The following MMEL1 variants were observed in gnomAD, a reference collection of about 807,000 sequenced individuals.
MMEL1 encodes the protein membrane metalloendopeptidase like 1.
MMEL1 carries 98 observed loss-of-function variants against 117.1 expected under a neutral mutation model. The observed-to-expected ratio is 0.84, with a 90% confidence interval of 0.71 to 0.99. MMEL1 has a LOEUF of 0.99. Among genes scored for constraint, MMEL1 ranks in the 50% least tolerant of loss-of-function variants. The pLI is 0.00. For synonymous variants in MMEL1, 390 were observed against 415.1 expected, an observed-to-expected ratio of 0.94 and a Z score of 0.74; for missense variants, 1,014 against 1,049.1, an observed-to-expected ratio of 0.97 and a Z score of 0.46.
At chr1:2,603,017 G>A (rs1054099681) in intron 11 of MMEL1, among the ~76,000 whole-genome samples, 6 of 152,236 alleles carry the variant, frequency 3.9e-5, no homozygotes, top group Admixed American at 6.5e-5. Flanking sequence ...GCCCCACTGC[G>A]TGTGTTCTGG....
intron 10 of MMEL1, 46 bp from the exon 11 acceptor site, chr1:2,604,019 C>T (rs1486612115): frequency 1.3e-6 from 2 of 1,597,692 alleles, no homozygotes; most frequent in South Asian, 2.2e-5. Flanking sequence ...CAGGATGCCC[C>T]CTGGGGCTCC....
rs371074815 is a variant in MMEL1, at chr1:2,594,370, G to C, written c.1747+15C>G. The C allele has an allele frequency of 1.3e-5, 20 of 1,551,608 alleles. No individual in the cohort carries two copies. Among genetic ancestry groups the C allele is most frequent in the African/African-American group, 2.7e-5 (2 of 73,080 alleles). Reference sequence around the variant, plus strand: ...ACCAAAGGGCCTGGGCAGGCAGGGAGGGGGAGGAACTTACCAATCTGGTTT... The same window carrying C: ...ACCAAAGGGCCTGGGCAGGCAGGGACGGGGAGGAACTTACCAATCTGGTTT... On this transcript the variant is annotated intron_variant, in intron 18 of 23. Coordinates refer to ENST00000378412, the MANE Select transcript of MMEL1 (RefSeq NM_033467.4).
In MMEL1 at chr1:2,592,722, T is replaced by G. The variant is rs1199194135; in HGVS notation, c.2002-2A>C. On this transcript the variant is annotated splice_acceptor_variant, in intron 20 of 23. Transcript: ENST00000378412. LOFTEE classifies it high-confidence loss of function. ...CCCAAGGGTGTTGAATCCGTTCACC[T>G]GCGCACAGGAGACAGGATTGGGGCA... The G allele has an allele frequency of 1.2e-6, 2 of 1,611,146 alleles. No individual in the cohort carries two copies. Among genetic ancestry groups the G allele is most frequent in the African/African-American group, 2.7e-5 (2 of 74,588 alleles).
chr1:2,599,020 A>G (rs1221462609), intron 11 of MMEL1, among the ~76,000 whole-genome samples: 1 of 152,272 alleles, frequency 6.6e-6, no homozygotes, highest in Non-Finnish European at 1.5e-5. Context: ...GCAAGTTCCT[A>G]GAAAAACACA....
intron 6 of MMEL1, among the ~76,000 whole-genome samples, chr1:2,608,532 TAC>T (rs1354239222): frequency 8.0e-6 from 1 of 124,526 alleles, no homozygotes; most frequent in Non-Finnish European, 1.6e-5. Context: ...CACATACACA[TAC>T]ACACATACAC....
intron 6 of MMEL1, among the ~76,000 whole-genome samples, chr1:2,607,871 G>A (rs1645055041): frequency 1.3e-5 from 2 of 152,088 alleles, no homozygotes. Context: ...GGCTGCCTGT[G>A]ATGAGGCAGG....
intron 21 of MMEL1, among the ~76,000 whole-genome samples, chr1:2,592,411 CT>C (rs1164550433): frequency 7.6e-5 from 4 of 52,452 alleles, no homozygotes; most frequent in African/African-American, 1.3e-4. Flanking sequence ...GCCCCCTCCC[CT>C]GATGCACTGG....
At chr1:2,608,780 T>C (rs1312085684) in intron 6 of MMEL1, among the ~76,000 whole-genome samples, 2 of 152,006 alleles carry the variant, frequency 1.3e-5, no homozygotes, top group African/African-American at 4.8e-5. Context: ...CACACACATA[T>C]GTACACACCG....
At chr1:2,605,759 T>G in intron 8 of MMEL1, 136 bp from the exon 9 acceptor site, 1 of 475,052 alleles carries the variant, frequency 2.1e-6, no homozygotes, top group Non-Finnish European at 3.8e-6. Context: ...TGGTGGAGCT[T>G]GTGCCGGACC....
chr1:2,617,282 C>T (rs2100956576), intron 2 of MMEL1, among the ~76,000 whole-genome samples: 1 of 152,150 alleles, frequency 6.6e-6, no homozygotes, highest in Non-Finnish European at 1.5e-5. Context: ...AAAAAATTAG[C>T]CGGGCGTGGT....
At position 2,592,662 on chromosome 1, in the gene MMEL1, G is replaced by C. The variant is rs1270698630; in HGVS notation, c.2060C>G (p.Ala687Gly). The change falls in exon 21 of 24, where the codon GCC becomes GGC. Residue 687 changes from alanine (A) to glycine (G), a missense_variant. Transcript: ENST00000378412. ...TCCCCTGCCAGGCCCCACCTTATAGGCTTGCCGCACCCCTCCGTTGTCAGC... is the reference window on the plus strand; with the variant it reads ...TCCCCTGCCAGGCCCCACCTTATAGCCTTGCCGCACCCCTCCGTTGTCAGC... ...NIADNGGVRQ[A>G]YKAYLKWMAE... The C allele has an allele frequency of 6.3e-7, 1 of 1,590,886 alleles. No individual in the cohort carries two copies. The highest frequency in any genetic ancestry group is 8.5e-7 in the Non-Finnish European group (1 of 1,170,544).
intron 11 of MMEL1, among the ~76,000 whole-genome samples, chr1:2,602,465 C>T (rs1465209562): frequency 2.0e-5 from 3 of 152,204 alleles, no homozygotes; most frequent in Non-Finnish European, 4.4e-5. Context: ...TTTGCAAACC[C>T]TGTTGGCTCC....
chr1:2,606,207 T>C (rs538946729), intron 8 of MMEL1, 41 bp downstream of exon 8: 9 of 1,524,806 alleles, frequency 5.9e-6, no homozygotes, highest in Admixed American at 1.7e-5. Context: ...CAGCCAGGCT[T>C]GGGGACCCTG....
chr1:2,605,425 C>T lies in MMEL1; in HGVS notation c.816+133G>A, dbSNP rs1034171814. 1.1e-4 allele frequency: 86 copies of T among 773,058 alleles called. 1 individual carries two copies. Among genetic ancestry groups the T allele is most frequent in the South Asian group, 1.9e-4 (12 of 62,646 alleles). 47.9% of individuals were successfully genotyped at this position (773,058 alleles called of 1,614,324 possible). A position where few individuals can be genotyped will look rare whatever the true frequency, so the allele number is the denominator to read the frequency against. On this transcript the variant is annotated intron_variant, in intron 9 of 23. Transcript: ENST00000378412. ...CGTCTGCACCCGCCACCCTCAGTGC[C>T]GGGCTCAACCTCCACAGGTGCTCAC...
intron 9 of MMEL1, 95 bp downstream of exon 9, chr1:2,605,463 C>T (rs539576740): frequency 1.3e-4 from 146 of 1,088,226 alleles, no homozygotes; most frequent in Middle Eastern, 4.5e-4. Flanking sequence ...ACACCAGCTT[C>T]GGGGAGGGAA....
intron 2 of MMEL1, among the ~76,000 whole-genome samples, chr1:2,627,473 CA>C (rs1391317151): frequency 6.6e-6 from 1 of 152,186 alleles, no homozygotes; most frequent in Admixed American, 6.5e-5. Flanking sequence ...CACCATCACT[CA>C]GCATTTGGTG....
Position 2,604,072 on chromosome 1 carries a change from C to T in MMEL1, c.951+75G>A, listed in dbSNP as rs890647103. The T allele has an allele frequency of 1.1e-5, 17 of 1,572,892 alleles. No individual in the cohort carries two copies. The African/African-American group carries it at 2.3e-4, about 21-fold the overall frequency. On this transcript the variant is annotated intron_variant, in intron 10 of 23. Transcript: ENST00000378412. ...GCTACCGGCCCACCCAGCACCCCCT[C>T]ACCTTGGCCAGCCACACCGCCTGGG...
intron 11 of MMEL1, among the ~76,000 whole-genome samples, chr1:2,601,475 C>T (rs1644931016): frequency 6.6e-6 from 1 of 152,184 alleles, no homozygotes; most frequent in African/African-American, 2.4e-5. Flanking sequence ...GATTGTAGAC[C>T]TAAGCAAACC....
chr1:2,611,459 T>C (rs1003619456), intron 3 of MMEL1, 119 bp from the exon 4 acceptor site: 1 of 18,960 alleles, frequency 5.3e-5, no homozygotes, highest in Non-Finnish European at 1.0e-4. Flanking sequence ...TAGACTGGGG[T>C]GGGCGGGGCA....
Sources: allele counts gnomAD v4.1 joint callset (sites outside exome capture counted in the v4.1 genomes callset), GRCh38; gene constraint gnomAD v4.1.1; transcripts MANE v1.5; gene names NCBI Gene and HGNC (gene_info 2026-07-23, HGNC 2026-07-21).